PTPRD: variants seen among roughly 807,000 people sequenced by gnomAD.
PTPRD encodes the protein protein tyrosine phosphatase receptor type D, also known as receptor-type tyrosine-protein phosphatase delta.
In PTPRD, 34 loss-of-function variants were observed where a neutral mutation model predicts 214.5. The ratio of observed to expected loss-of-function variants is 0.16; its 90% confidence interval spans 0.12 to 0.21. PTPRD has a LOEUF of 0.21. PTPRD is among the 10% of genes least tolerant of loss of function. PTPRD has a pLI of 1.00. For missense variants in PTPRD, 2,545 were observed against 2,398.7 expected, an observed-to-expected ratio of 1.06 and a Z score of -1.27; for synonymous variants, 1,128 against 845.7, an observed-to-expected ratio of 1.33 and a Z score of -5.79.
intron 4 of PTPRD, among the ~76,000 whole-genome samples, chr9:10,006,872 G>T (rs190630100): frequency 1.6e-4 from 24 of 151,742 alleles, no homozygotes; most frequent in African/African-American, 5.1e-4. Context: ...ATGGAACAAG[G>T]CTATTCTGAC....
At chr9:9,009,279 T>G (rs1451122911) in intron 11 of PTPRD, among the ~76,000 whole-genome samples, 1 of 152,156 alleles carries the variant, frequency 6.6e-6, no homozygotes, top group Non-Finnish European at 1.5e-5. Context: ...TGAGAATTAA[T>G]AAAAGTTGAC....
intron 10 of PTPRD, among the ~76,000 whole-genome samples, chr9:9,177,200 G>C (rs901615865): frequency 6.6e-6 from 1 of 152,036 alleles, no homozygotes; most frequent in Non-Finnish European, 1.5e-5. Context: ...AGTGCCTAGT[G>C]AAGGGAAAAC....
At chr9:8,541,684 TTGTG>T (rs1002381982) in intron 14 of PTPRD, among the ~76,000 whole-genome samples, 4 of 151,964 alleles carry the variant, frequency 2.6e-5, no homozygotes, top group Non-Finnish European at 5.9e-5. Flanking sequence ...TTGTTTGTGT[TTGTG>T]TGTGTGTATG....
intron 9 of PTPRD, among the ~76,000 whole-genome samples, chr9:9,342,482 TG>T (rs1440835290): frequency 2.0e-5 from 3 of 152,168 alleles, no homozygotes; most frequent in Non-Finnish European, 4.4e-5. Context: ...AATACATATT[TG>T]GCTATATGCT....
chr9:8,948,870 T>C (rs1287384490), intron 11 of PTPRD, among the ~76,000 whole-genome samples: 5 of 151,672 alleles, frequency 3.3e-5, no homozygotes, highest in African/African-American at 7.3e-5. Flanking sequence ...CCACAGAAGA[T>C]TGACTAGACA....
At chr9:10,396,561 T>C (rs2098174268) in intron 2 of PTPRD, among the ~76,000 whole-genome samples, 1 of 152,032 alleles carries the variant, frequency 6.6e-6, no homozygotes, top group Admixed American at 6.6e-5. Flanking sequence ...CTCTGCCAGA[T>C]TCTGGGAAGA....
chr9:8,982,541 T>TA (rs542313216), intron 11 of PTPRD, among the ~76,000 whole-genome samples: 1,353 of 128,370 alleles, frequency 0.011, 5 homozygotes, highest in Non-Finnish European at 0.014. Context: ...GAATCTTACT[T>TA]AAAAAAAAAA....
At chr9:8,375,454 A>G (rs2082948267) in intron 39 of PTPRD, among the ~76,000 whole-genome samples, 1 of 152,008 alleles carries the variant, frequency 6.6e-6, no homozygotes, top group Admixed American at 6.6e-5. Context: ...ATGAGACTTG[A>G]TATTACTAAT....
chr9:10,207,118 T>C (rs761449047), intron 3 of PTPRD, among the ~76,000 whole-genome samples: 3 of 152,126 alleles, frequency 2.0e-5, no homozygotes, highest in Non-Finnish European at 2.9e-5. Flanking sequence ...ATATAGAATA[T>C]ACCCAGCATC....
At chr9:9,980,502 G>A (rs1028023869) in intron 4 of PTPRD, among the ~76,000 whole-genome samples, 7 of 150,464 alleles carry the variant, frequency 4.7e-5, no homozygotes, top group Admixed American at 1.3e-4. Context: ...CAGCTACTTC[G>A]GAGGCTGAGG....
At chr9:9,987,292 A>G (rs142892065) in intron 4 of PTPRD, among the ~76,000 whole-genome samples, 34 of 152,280 alleles carry the variant, frequency 2.2e-4, no homozygotes, top group African/African-American at 7.7e-4. Flanking sequence ...AGAATTTGTG[A>G]TGCTGTGTTG....
chr9:10,300,945 C>G (rs977372897), intron 3 of PTPRD, among the ~76,000 whole-genome samples: 1 of 152,122 alleles, frequency 6.6e-6, no homozygotes, highest in African/African-American at 2.4e-5. Flanking sequence ...TCAAGTGGAT[C>G]ATTGACCCCC....
intron 14 of PTPRD, among the ~76,000 whole-genome samples, chr9:8,545,385 G>C (rs1289925447): frequency 6.6e-6 from 1 of 152,196 alleles, no homozygotes; most frequent in African/African-American, 2.4e-5. Flanking sequence ...CTAAGTTCAT[G>C]AGACAAGCTG....
rs1221569149 is a variant in PTPRD at position 8,496,213 on chromosome 9, C to CAA, written c.2349+1028_2349+1029insTT. Among the ~76,000 whole-genome samples the CAA allele has an allele frequency of 7.8e-3, 1,005 of 128,062 alleles. 10 individuals are homozygous for CAA. The highest frequency in any genetic ancestry group is 0.025 in the African/African-American group (953 of 37,950). 84.0% of individuals were successfully genotyped at this position (128,062 alleles called of 152,430 possible). A position where few individuals can be genotyped will look rare whatever the true frequency, so the allele number is the denominator to read the frequency against. ...ACACACACACACACACACACACAAA[C>CAA]ACACACACACACACACACTTTTTCA... is the stretch of plus-strand genomic sequence containing the variant. On this transcript the variant is annotated intron_variant, in intron 26 of 45. Coordinates refer to ENST00000381196, the MANE Select transcript of PTPRD (RefSeq NM_002839.4).
chr9:8,985,141 A>C (rs1567406906), intron 11 of PTPRD, among the ~76,000 whole-genome samples: 4 of 152,098 alleles, frequency 2.6e-5, no homozygotes, highest in Non-Finnish European at 5.9e-5. Context: ...GAGCATATTT[A>C]CTTTAAAAAT....
chr9:9,244,069 C>T (rs1479294042), intron 9 of PTPRD, among the ~76,000 whole-genome samples: 1 of 152,080 alleles, frequency 6.6e-6, no homozygotes, highest in Non-Finnish European at 1.5e-5. Context: ...CCTAGGAATC[C>T]AATTTGCAAG....
intron 11 of PTPRD, among the ~76,000 whole-genome samples, chr9:9,000,112 G>C (rs2099412125): frequency 2.0e-5 from 3 of 152,000 alleles, no homozygotes; most frequent in East Asian, 3.9e-4. Context: ...TTTTGCACAA[G>C]AGATGTGTCT....
At chr9:10,595,021 A>ATG (rs1555593064) in intron 2 of PTPRD, among the ~76,000 whole-genome samples, 1 of 151,654 alleles carries the variant, frequency 6.6e-6, no homozygotes, top group Non-Finnish European at 1.5e-5. Flanking sequence ...TAATTATTCA[A>ATG]ATAACTATTT....
chr9:9,601,303 T>C (rs931114466), intron 7 of PTPRD, among the ~76,000 whole-genome samples: 16 of 152,026 alleles, frequency 1.1e-4, no homozygotes, highest in African/African-American at 3.9e-4. Context: ...AAACTTGCAG[T>C]TCAAGCTGAA....
Sources: gnomAD v4.1 joint callset for allele counts (sites outside exome capture counted in the v4.1 genomes callset) on GRCh38, gnomAD v4.1.1 for gene constraint, MANE v1.5 for transcripts, NCBI Gene and HGNC (gene_info 2026-07-23, HGNC 2026-07-21) for gene names.